Variants in NCS1 observed in about 807,000 individuals in gnomAD.
NCS1 encodes frequenin homolog.
In NCS1, 6 loss-of-function variants were observed where a neutral mutation model predicts 28.4. The observed-to-expected ratio is 0.21, with a 90% CI of 0.12 to 0.42. The LOEUF (loss-of-function observed/expected upper bound fraction) is 0.42. Among genes scored for constraint, NCS1 ranks in the 10% least tolerant of loss-of-function variants. The probability of loss-of-function intolerance (pLI) is 1.00; values close to 1 mark genes in which losing one functional copy is unlikely to be tolerated. For missense variants in NCS1, 131 were observed against 241.4 expected (o/e 0.54, Z 3.03); for synonymous variants, 86 against 99.3 (o/e 0.87, Z 0.79).
At chr9:130,197,569 C>G (rs1457372760) in intron 1 of NCS1, among the ~76,000 whole-genome samples, 2 of 152,154 alleles carry the variant, frequency 1.3e-5, no homozygotes, top group Non-Finnish European at 2.9e-5. Context: ...GGGGTTTGGA[C>G]AAAGGACAGC....
At chr9:130,225,704 A>G (rs981629330) in intron 6 of NCS1, among the ~76,000 whole-genome samples, 15 of 152,198 alleles carry the variant, frequency 9.9e-5, no homozygotes, top group Admixed American at 9.2e-4. Context: ...CGAGCTTGGC[A>G]TATGTCGTGT....
At chr9:130,199,016 GA>G in intron 1 of NCS1, among the ~76,000 whole-genome samples, 1 of 151,972 alleles carries the variant, frequency 6.6e-6, no homozygotes, top group African/African-American at 2.4e-5. Context: ...CTTTATCTCA[GA>G]AAATTGCTTT....
chr9:130,221,441 G>GAGAGAA (rs1564713759), intron 4 of NCS1, among the ~76,000 whole-genome samples: 57 of 135,340 alleles, frequency 4.2e-4, no homozygotes, highest in Non-Finnish European at 8.1e-4. Flanking sequence ...GAGAGAGAGA[G>GAGAGAA]AGAGAGAGAG....
intron 1 of NCS1, among the ~76,000 whole-genome samples, chr9:130,190,805 G>A (rs1832807893): frequency 6.6e-6 from 1 of 152,200 alleles, no homozygotes; most frequent in Non-Finnish European, 1.5e-5. Flanking sequence ...TTGGTTGAGT[G>A]CTTTGCCTCT....
chr9:130,196,464 C>T lies in NCS1; in HGVS notation c.65-4494C>T, dbSNP rs138416038. On this transcript the variant is annotated intron_variant, in intron 1 of 7. Coordinates refer to ENST00000372398, the MANE Select transcript of NCS1 (RefSeq NM_014286.4). ...CTCAGAGCATATCTCCAAAGCTGGG[C>T]GCGGCGTCTCACGCCTGTAACCCCA... Among the ~76,000 whole-genome samples, 1,292 of 152,350 alleles carry T rather than the reference C, an allele frequency of 8.5e-3. 20 individuals are homozygous for T. Among genetic ancestry groups the T allele is most frequent in the African/African-American group, 0.03 (1,232 of 41,582 alleles).
intron 1 of NCS1, among the ~76,000 whole-genome samples, chr9:130,176,200 T>TCTTTC (rs1588106007): frequency 1.3e-4 from 17 of 134,846 alleles, no homozygotes; most frequent in South Asian, 4.6e-4. Flanking sequence ...CTTTCTTTTT[T>TCTTTC]TTTTTTTTTG....
chr9:130,203,663 G>A (rs1458125726), intron 2 of NCS1, among the ~76,000 whole-genome samples: 1 of 152,210 alleles, frequency 6.6e-6, no homozygotes, highest in Non-Finnish European at 1.5e-5. Flanking sequence ...GACACCAGGA[G>A]CTGTCTGCCT....
chr9:130,230,890 T>A (rs1410161369), intron 7 of NCS1, among the ~76,000 whole-genome samples: 1 of 150,128 alleles, frequency 6.7e-6, no homozygotes, highest in African/African-American at 2.5e-5. Context: ...AAGATAAAGA[T>A]TCTTTGAAAA....
intron 1 of NCS1, among the ~76,000 whole-genome samples, chr9:130,200,218 T>G (rs1732430106): frequency 2.0e-5 from 3 of 152,138 alleles, no homozygotes; most frequent in Non-Finnish European, 2.9e-5. Context: ...TGGTGGTGGT[T>G]TGGTGTTCTT....
At position 130,192,620 on chromosome 9, in the gene NCS1, G is replaced by A. The variant is rs1422742308; in HGVS notation, c.65-8338G>A. On this transcript the variant is annotated intron_variant, in intron 1 of 7. Transcript: ENST00000372398. This position sits in a 1 kb window ranked among gnomAD's most constrained non-coding sequence, Gnocchi z 4.8. ...CACACATTGGGTCAGGAGCAAAGGT[G>A]GGCAGCCAGGACTCCCTGCCCACCC... 6.6e-6 allele frequency among the ~76,000 whole-genome samples: 1 copy of A among 152,116 alleles called. No individual in the cohort carries two copies. The highest frequency in any genetic ancestry group is 1.5e-5 in the Non-Finnish European group (1 of 68,010).
At chr9:130,200,194 A>G (rs1257937275) in intron 1 of NCS1, among the ~76,000 whole-genome samples, 1 of 152,176 alleles carries the variant, frequency 6.6e-6, no homozygotes, top group African/African-American at 2.4e-5. Flanking sequence ...ACAGGCAGGG[A>G]GCAAGGGTGG....
Position 130,215,527 on chromosome 9 carries a change from C to T in NCS1, c.90-2305C>T, listed in dbSNP as rs1028348613. Among the ~76,000 whole-genome samples the T allele has an allele frequency of 3.3e-5, 5 of 152,154 alleles. No homozygotes were observed. The highest frequency in any genetic ancestry group is 7.2e-5 in the African/African-American group (3 of 41,444). On this transcript the variant is annotated intron_variant, in intron 2 of 7. Coordinates refer to ENST00000372398, the MANE Select transcript of NCS1 (RefSeq NM_014286.4). This position sits in a 1 kb window ranked among gnomAD's most constrained non-coding sequence, Gnocchi z 4.2. ...GCACGGGAGGGACGGATGCTGGGGT[C>T]GCACACTGGCCGGCAGGGCAGAGGA...
intron 1 of NCS1, chr9:130,200,698 G>C (rs566795693): frequency 6.5e-7 from 1 of 1,542,640 alleles, no homozygotes; most frequent in Non-Finnish European, 8.8e-7. Context: ...GGCTCTCCCA[G>C]CAGCGGCAGT....
intron 1 of NCS1, among the ~76,000 whole-genome samples, chr9:130,198,528 C>T (rs1233154260): frequency 3.9e-5 from 6 of 152,176 alleles, no homozygotes; most frequent in Non-Finnish European, 5.9e-5. Flanking sequence ...CTAGGGGCAC[C>T]GTCCCAGCTC....
intron 1 of NCS1, among the ~76,000 whole-genome samples, chr9:130,194,879 T>C (rs1832860016): frequency 6.6e-6 from 1 of 152,168 alleles, no homozygotes; most frequent in African/African-American, 2.4e-5. Flanking sequence ...AGAAACACGT[T>C]TGAGGATGTG....
At position 130,172,658 on chromosome 9, in the gene NCS1, C is replaced by G; in HGVS notation, c.-6C>G. ...CCCGGGGGGGCGGGGGCCGCGGCCG[C>G]CGAGGATGGGGAAATCCAACAGCAA... On this transcript the variant is annotated 5_prime_UTR_variant, in exon 1 of 8. Transcript: ENST00000372398. 1 of 1,471,668 alleles carries G rather than the reference C, an allele frequency of 6.8e-7. No individual in the cohort carries two copies. Among genetic ancestry groups the G allele is most frequent in the South Asian group, 1.3e-5 (1 of 79,440 alleles). 91.2% of individuals were successfully genotyped at this position (1,471,668 alleles called of 1,614,324 possible). A position where few individuals can be genotyped will look rare whatever the true frequency, so the allele number is the denominator to read the frequency against.
intron 2 of NCS1, among the ~76,000 whole-genome samples, chr9:130,213,099 G>C (rs577781301): frequency 2.6e-5 from 4 of 152,178 alleles, no homozygotes; most frequent in African/African-American, 4.8e-5. Context: ...ACACGGGGGC[G>C]GTGCAGCCTG....
chr9:130,211,434 G>C (rs577182056), intron 2 of NCS1, among the ~76,000 whole-genome samples: 2 of 151,454 alleles, frequency 1.3e-5, no homozygotes, highest in Non-Finnish European at 2.9e-5. Context: ...TCGGGATAAC[G>C]GGTTGTTCCT....
Position 130,174,269 on chromosome 9 carries a change from C to T in NCS1, c.64+1542C>T, listed in dbSNP as rs112501527. Among the ~76,000 whole-genome samples the T allele has an allele frequency of 2.5e-3, 382 of 152,314 alleles. 3 individuals carry two copies. The highest frequency in any genetic ancestry group is 8.7e-3 in the African/African-American group (362 of 41,572). On this transcript the variant is annotated intron_variant, in intron 1 of 7. Coordinates refer to ENST00000372398, the MANE Select transcript of NCS1 (RefSeq NM_014286.4). ...GGGCATGGGCTGCACGGGATGCCTCCATCATGGTGGGACAGGGGAGTGAAG... is the reference window on the plus strand; with the variant it reads ...GGGCATGGGCTGCACGGGATGCCTCTATCATGGTGGGACAGGGGAGTGAAG...
Sources: allele counts gnomAD v4.1 joint callset (sites outside exome capture counted in the v4.1 genomes callset), GRCh38; gene constraint gnomAD v4.1.1; non-coding constraint Gnocchi (gnomAD v3.1); transcripts MANE v1.5; gene names NCBI Gene and HGNC (gene_info 2026-07-23, HGNC 2026-07-21).